OR51L1: variants seen among roughly 807,000 people sequenced by gnomAD.
OR51L1 encodes the protein olfactory receptor 51L1.
OR51L1 carries 1 observed loss-of-function variant against 1.4 expected under a neutral mutation model. The observed-to-expected ratio is 0.72, with a 90% confidence interval of 0.26 to 3.42. The LOEUF (loss-of-function observed/expected upper bound fraction) is 3.42, where lower values mean the gene tolerates loss of function less well. OR51L1 is among the 30% of genes most tolerant of loss of function. The pLI is 0.20. For missense variants in OR51L1, 378 were observed against 380.0 expected (o/e 0.99, Z 0.04); for synonymous variants, 156 against 144.2 (o/e 1.08, Z -0.59).
At position 5,002,250 on chromosome 11, in the gene OR51L1, T is replaced by G. The variant is rs1189924063; in HGVS notation, c.*2320T>G. ...CACAGAAATTGGTAAACATTATATA[T>G]CAGGACTTGAAATTTTTTCTTAGAG... On this transcript the variant is annotated 3_prime_UTR_variant, in exon 3 of 3. Transcript: ENST00000641819. 6.6e-6 allele frequency: 1 copy of G among 152,186 alleles called. No individual in the cohort carries two copies. Among genetic ancestry groups the G allele is most frequent in the African/African-American group, 2.4e-5 (1 of 41,440 alleles). The allele number at this position is 152,186 out of a possible 1,614,324, so 9.4% of individuals were successfully genotyped here. A position where few individuals can be genotyped will look rare whatever the true frequency, so the allele number is the denominator to read the frequency against.
Position 4,999,016 on chromosome 11 carries a change from C to A in OR51L1, c.34C>A (p.Pro12Thr). Residue 12 changes from proline to threonine, a missense_variant, in exon 3 of 3, where the codon CCC (proline) becomes ACC (threonine). Coordinates refer to ENST00000641819, the MANE Select transcript of OR51L1 (RefSeq NM_001004755.2). ...GDWNNSDAVE[P>T]IFILRGFPGL... ...CTGGAATAACAGTGATGCTGTGGAGCCCATATTTATCCTGAGGGGTTTTCC... is the reference window on the plus strand; with the variant it reads ...CTGGAATAACAGTGATGCTGTGGAGACCATATTTATCCTGAGGGGTTTTCC... 1 of 1,613,850 alleles carries A rather than the reference C, an allele frequency of 6.2e-7. No individual in the cohort carries two copies. Among genetic ancestry groups the A allele is most frequent in the Non-Finnish European group, 8.5e-7 (1 of 1,179,802 alleles).
rs776552356 is a variant in OR51L1, at chr11:4,999,467, C to A, written c.485C>A (p.Pro162His). 4 of 1,614,006 alleles carry A rather than the reference C, an allele frequency of 2.5e-6. No homozygotes were observed. Among genetic ancestry groups the A allele is most frequent in the African/African-American group, 1.3e-5 (1 of 74,918 alleles). Residue 162 changes from proline (P) to histidine (H), a missense_variant, in exon 3 of 3, where the codon CCT becomes CAT. By Grantham distance (77) the Pro-to-His change is moderately conservative. Transcript: ENST00000641819. ...AGCTTGGGAGTTGTACTTCCCACAC[C>A]TTTGCTACTGAGACACTATCACTAC... is the stretch of plus-strand genomic sequence containing the variant. ...LRSLGVVLPT[P>H]LLLRHYHYCH...
In OR51L1 at chr11:5,003,802, T is replaced by C. The variant is rs1847152602; in HGVS notation, c.*3872T>C. On this transcript the variant is annotated 3_prime_UTR_variant, in exon 3 of 3. Coordinates refer to ENST00000641819, the MANE Select transcript of OR51L1 (RefSeq NM_001004755.2). Reference sequence around the variant, plus strand: ...TAATTCAAGTTGACATTGTGAGATGTATGTATACAACCATCTTCTACAATC... The same window carrying C: ...TAATTCAAGTTGACATTGTGAGATGCATGTATACAACCATCTTCTACAATC... The C allele has an allele frequency of 6.6e-6, 1 of 152,144 alleles. No homozygotes were observed. The highest frequency in any genetic ancestry group is 1.5e-5 in the Non-Finnish European group (1 of 68,018). The allele number at this position is 152,144 out of a possible 1,614,324, so 9.4% of individuals were successfully genotyped here. A position where few individuals can be genotyped will look rare whatever the true frequency, so the allele number is the denominator to read the frequency against.
In OR51L1 at chr11:4,999,847, CTTAACCCTA is replaced by C; in HGVS notation, c.868_876del (p.Asn290_Ile292del). On this transcript the variant is annotated inframe_deletion, in exon 3 of 3. Coordinates refer to ENST00000641819, the MANE Select transcript of OR51L1 (RefSeq NM_001004755.2). ...CATCTACCTTCTTCTTCCCCCAGTC[CTTAACCCTA>C]TTGTCTATAGTGTCAGAACAAAGCA... is the stretch of plus-strand genomic sequence containing the variant. 1 of 1,614,044 alleles carries C rather than the reference CTTAACCCTA, an allele frequency of 6.2e-7. No homozygotes were observed. The highest frequency in any genetic ancestry group is 1.1e-5 in the South Asian group (1 of 91,072).
Position 4,999,536 on chromosome 11 carries a change from A to T in OR51L1, c.554A>T (p.Asp185Val). 3.7e-6 allele frequency: 6 copies of T among 1,613,928 alleles called. No homozygotes were observed. In the South Asian group the frequency reaches 6.6e-5, roughly 18 times the overall value. The change falls in exon 3 of 3, where the codon GAT becomes GTT. Residue 185 changes from aspartate (D) to valine (V), a missense_variant. Asp to Val is a radical substitution (Grantham distance 152). Coordinates refer to ENST00000641819, the MANE Select transcript of OR51L1 (RefSeq NM_001004755.2). ...TCTCACGCCTTCTGTTTGCACCAGG[A>T]TGTTCTAAGATTATCCTGTACAGAT... ...ALSHAFCLHQ[D>V]VLRLSCTDAR...
In OR51L1 at chr11:4,999,766, A is replaced by G; in HGVS notation, c.784A>G (p.Met262Val). Residue 262 changes from methionine to valine, a missense_variant, in exon 3 of 3, where the codon ATG becomes GTG. Transcript: ENST00000641819. Reference protein sequence around the residue: ...IFFVPVIGVSMVHRFGKHLSP... With the variant: ...IFFVPVIGVSVVHRFGKHLSP... Reference sequence around the variant, plus strand: ...CTTTGTGCCAGTTATTGGGGTGTCAATGGTCCATCGCTTTGGGAAGCATCT... The same window carrying G: ...CTTTGTGCCAGTTATTGGGGTGTCAGTGGTCCATCGCTTTGGGAAGCATCT... The G allele has an allele frequency of 1.2e-6, 2 of 1,613,994 alleles. No individual in the cohort carries two copies. Among genetic ancestry groups the G allele is most frequent in the East Asian group, 4.5e-5 (2 of 44,860 alleles).
chr11:4,999,700 C>A lies in OR51L1; in HGVS notation c.718C>A (p.Leu240Ile). ...ATCTCGTGAAGAGCAGCTAAAGGCA[C>A]TCAACACATGTGTATCCCATATCTG... ...IASREEQLKA[L>I]NTCVSHICVV... Residue 240 changes from leucine to isoleucine, a missense_variant, in exon 3 of 3, where the codon CTC (leucine) becomes ATC (isoleucine). Transcript: ENST00000641819. 6.2e-7 allele frequency: 1 copy of A among 1,613,990 alleles called. No individual in the cohort carries two copies. Among genetic ancestry groups the A allele is most frequent in the Non-Finnish European group, 8.5e-7 (1 of 1,179,988 alleles).
chr11:5,005,213 C>G lies in OR51L1; in HGVS notation c.*5283C>G, dbSNP rs566643987. The G allele has an allele frequency of 6.6e-6, 1 of 152,342 alleles. No homozygotes were observed. The highest frequency in any genetic ancestry group is 2.4e-5 in the African/African-American group (1 of 41,580). The allele number at this position is 152,342 out of a possible 1,614,324, so 9.4% of individuals were successfully genotyped here. A position where few individuals can be genotyped will look rare whatever the true frequency, so the allele number is the denominator to read the frequency against. On this transcript the variant is annotated 3_prime_UTR_variant, in exon 3 of 3. Transcript: ENST00000641819. ...AACTCCACACCGATTATGTCACTTA[C>G]AAGTTTATCTTCCCAGGTGCAGAAA...
chr11:4,999,246 G>A lies in OR51L1; in HGVS notation c.264G>A (p.Trp88Ter), dbSNP rs199934313. The A allele has an allele frequency of 1.1e-4, 178 of 1,613,992 alleles. No individual in the cohort carries two copies. The Admixed American group carries it at 2.9e-3, about 26-fold the overall frequency. The change falls in exon 3 of 3, where the codon TGG becomes TGA. Residue 88 changes from tryptophan to a stop codon, truncating the protein, a stop_gained. Coordinates refer to ENST00000641819, the MANE Select transcript of OR51L1 (RefSeq NM_001004755.2). LOFTEE classifies it low-confidence loss of function (END_TRUNC). ...STLPTMLAVL[W>*]LDAPEIQASA... is the part of the protein sequence containing the mutation. Reference sequence around the variant, plus strand: ...TTCCCACCATGCTTGCTGTGTTATGGTTGGATGCTCCAGAGATCCAGGCAA... The same window carrying A: ...TTCCCACCATGCTTGCTGTGTTATGATTGGATGCTCCAGAGATCCAGGCAA...
In OR51L1 at chr11:5,003,966, C is replaced by T. The variant is rs1847153795; in HGVS notation, c.*4036C>T. 6.6e-6 allele frequency: 1 copy of T among 151,966 alleles called. No homozygotes were observed. The highest frequency in any genetic ancestry group is 2.4e-5 in the African/African-American group (1 of 41,356). The allele number at this position is 151,966 out of a possible 1,614,324, so 9.4% of individuals were successfully genotyped here. ...TTTGCCTATTCTGTCATTCAGGATC[C>T]AGTAAGAAGACAAAAATCACACAGT... On this transcript the variant is annotated 3_prime_UTR_variant, in exon 3 of 3. Transcript: ENST00000641819.
chr11:4,998,276 G>A (rs569192864), intron 2 of OR51L1, among the ~76,000 whole-genome samples: 26 of 150,734 alleles, frequency 1.7e-4, no homozygotes, highest in African/African-American at 4.9e-4. Context: ...TTTTTTTACC[G>A]TGAATTTTTT....
At chr11:4,996,581 GAATT>G (rs1406459739) in intron 1 of OR51L1, among the ~76,000 whole-genome samples, 1 of 152,038 alleles carries the variant, frequency 6.6e-6, no homozygotes, top group Non-Finnish European at 1.5e-5. Context: ...AGGACTGAAA[GAATT>G]AAAGGAGAAA....
In OR51L1 at chr11:5,001,027, C is replaced by T. The variant is rs943566381; in HGVS notation, c.*1097C>T. ...TCCTAGGTTCAAGCAATTCTCCTGC[C>T]CCAGCCTCCCGAATAGCTGGGATGA... On this transcript the variant is annotated 3_prime_UTR_variant, in exon 3 of 3. Coordinates refer to ENST00000641819, the MANE Select transcript of OR51L1 (RefSeq NM_001004755.2). 3.3e-5 allele frequency: 5 copies of T among 152,268 alleles called. No homozygotes were observed. The highest frequency in any genetic ancestry group is 1.2e-4 in the African/African-American group (5 of 41,416). 9.4% of individuals were successfully genotyped at this position (152,268 alleles called of 1,614,324 possible). A position where few individuals can be genotyped will look rare whatever the true frequency, so the allele number is the denominator to read the frequency against.
chr11:4,996,774 C>CA (rs1847077030), intron 1 of OR51L1, among the ~76,000 whole-genome samples: 9 of 55,174 alleles, frequency 1.6e-4, no homozygotes, highest in Admixed American at 2.3e-4. Context: ...TCTTTCATTT[C>CA]TCTCTCTCTG....
chr11:4,995,660 C>T (rs576728104), intron 1 of OR51L1, among the ~76,000 whole-genome samples: 5 of 152,156 alleles, frequency 3.3e-5, no homozygotes, highest in African/African-American at 9.6e-5. Context: ...GTGACATAAG[C>T]CTATTCATGC....
At position 5,004,697 on chromosome 11, in the gene OR51L1, T is replaced by C. The variant is rs1847161056; in HGVS notation, c.*4767T>C. 6.6e-6 allele frequency: 1 copy of C among 152,148 alleles called. No homozygotes were observed. The allele number at this position is 152,148 out of a possible 1,614,324, so 9.4% of individuals were successfully genotyped here. On this transcript the variant is annotated 3_prime_UTR_variant, in exon 3 of 3. Coordinates refer to ENST00000641819, the MANE Select transcript of OR51L1 (RefSeq NM_001004755.2). ...AAATGTCCATTGAGCCCAGTTCCAT[T>C]GTTGCAGAGTAAGCAATGAAGTCTA...
At chr11:4,996,786 T>C (rs1268492980) in intron 1 of OR51L1, among the ~76,000 whole-genome samples, 1 of 141,642 alleles carries the variant, frequency 7.1e-6, no homozygotes, top group Non-Finnish European at 1.6e-5. Context: ...CTCTCTCTGT[T>C]TCTTTCTTTC....
rs1000109013 is a variant in OR51L1 at position 5,005,426 on chromosome 11, T to A, written c.*5496T>A. On this transcript the variant is annotated 3_prime_UTR_variant, in exon 3 of 3. Transcript: ENST00000641819. Reference sequence around the variant, plus strand: ...CCTACATGCCTCCCCCTTCCCCCTTTTAAGGAAATGGATAAATACACAATG... The same window carrying A: ...CCTACATGCCTCCCCCTTCCCCCTTATAAGGAAATGGATAAATACACAATG... The A allele has an allele frequency of 2.0e-5, 3 of 152,198 alleles. No individual in the cohort carries two copies. Among genetic ancestry groups the A allele is most frequent in the Admixed American group, 6.5e-5 (1 of 15,278 alleles). The allele number at this position is 152,198 out of a possible 1,614,324, so 9.4% of individuals were successfully genotyped here.
rs1847138931 is a variant in OR51L1 at position 5,002,348 on chromosome 11, G to T, written c.*2418G>T. On this transcript the variant is annotated 3_prime_UTR_variant, in exon 3 of 3. Transcript: ENST00000641819. ...AGAAAGAGGAGGTAACATGAAGAAA[G>T]CAAAGAGGTTAGAAAGAGTATGTGT... 6.6e-6 allele frequency: 1 copy of T among 152,162 alleles called. No individual in the cohort carries two copies. The highest frequency in any genetic ancestry group is 2.4e-5 in the African/African-American group (1 of 41,426). 9.4% of individuals were successfully genotyped at this position (152,162 alleles called of 1,614,324 possible). A position where few individuals can be genotyped will look rare whatever the true frequency, so the allele number is the denominator to read the frequency against.
Sources: allele counts gnomAD v4.1 joint callset (sites outside exome capture counted in the v4.1 genomes callset), GRCh38; gene constraint gnomAD v4.1.1; transcripts MANE v1.5; gene names NCBI Gene and HGNC (gene_info 2026-07-23, HGNC 2026-07-21).